DCAF8L2: variants seen among roughly 807,000 people sequenced by gnomAD.
DCAF8L2 encodes DDB1 and CUL4 associated factor 8 like 2.
For missense variants in DCAF8L2, 430 were observed against 490.7 expected, an observed-to-expected ratio of 0.88 and a Z score of 1.17; for synonymous variants, 200 against 190.9, an observed-to-expected ratio of 1.05 and a Z score of -0.39.
At chrX:27,740,226 C>T (rs1219951767) in intron 4 of DCAF8L2, among the ~76,000 whole-genome samples, 1 of 111,775 alleles carries the variant, frequency 8.9e-6, no homozygotes, top group Non-Finnish European at 1.9e-5. Context: ...TCACCTCACA[C>T]CCATATTGAA....
chrX:27,621,689 T>C (rs1466469494), intron 1 of DCAF8L2, among the ~76,000 whole-genome samples: 1 of 111,392 alleles, frequency 9.0e-6, no homozygotes, highest in African/African-American at 3.3e-5. Context: ...ATGTGTGCAA[T>C]AGGAGTTCTA....
At chrX:27,588,301 G>T, upstream of DCAF8L2, among the ~76,000 whole-genome samples, 1 of 109,883 alleles carries the variant, frequency 9.1e-6, no homozygotes, top group East Asian at 2.9e-4. Flanking sequence ...GCCTCCAGCT[G>T]CATTCATGTT....
rs1360348922 is a variant in DCAF8L2, at chrX:27,747,353, C to T, written c.458C>T (p.Pro153Leu). 38 of 1,158,286 alleles carry T rather than the reference C, an allele frequency of 3.3e-5. No homozygotes were observed. Among genetic ancestry groups the T allele is most frequent in the Non-Finnish European group, 4.3e-5 (37 of 870,510 alleles). ...EEEEEQPRAGPQGSGGNHEQY... is the reference protein window; with the variant it reads ...EEEEEQPRAGLQGSGGNHEQY... The stretch of plus-strand genomic sequence containing the variant: ...GAAGAAGAACAGCCTCGGGCGGGTC[C>T]ACAAGGCAGTGGCGGCAACCATGAG... Residue 153 changes from proline (P) to leucine (L), a missense_variant, in exon 5 of 5, where the codon CCA becomes CTA. By Grantham distance (98) the Pro-to-Leu change is moderately conservative. Transcript: ENST00000451261.
At position 27,662,922 on chromosome X, in the gene DCAF8L2, A is replaced by T. The variant is rs947600933; in HGVS notation, c.-219-14914A>T. 9.8e-5 allele frequency among the ~76,000 whole-genome samples: 11 copies of T among 112,049 alleles called. 1 individual carries two copies. On this transcript the variant is annotated intron_variant, in intron 2 of 4. Coordinates refer to ENST00000451261, the MANE Select transcript of DCAF8L2 (RefSeq NM_001353450.2). The stretch of plus-strand genomic sequence containing the variant: ...TATGATGATTCAAGGTTTATAATAT[A>T]TAAAAATAATTATATTTTTACTTGA...
At chrX:27,488,803 G>A in the DCAF8L2 span, among the ~76,000 whole-genome samples, 2 of 108,504 alleles carry the variant, frequency 1.8e-5, no homozygotes, top group African/African-American at 6.7e-5. Context: ...CTACAGGCAC[G>A]CGCCACCATG....
intron 2 of DCAF8L2, among the ~76,000 whole-genome samples, chrX:27,677,591 A>G (rs1392821006): frequency 1.8e-5 from 2 of 111,418 alleles, no homozygotes; most frequent in African/African-American, 3.3e-5. Context: ...ATGATGGGAG[A>G]TCAGAAAATC....
chrX:27,653,761 C>CACAA (rs1216615987), intron 2 of DCAF8L2, among the ~76,000 whole-genome samples: 3,721 of 107,149 alleles, frequency 0.035, 135 homozygotes, highest in East Asian at 0.22. Flanking sequence ...CACACACACA[C>CACAA]AACATATATT....
At chrX:27,708,125 G>C (rs1166270335) in intron 3 of DCAF8L2, among the ~76,000 whole-genome samples, 1 of 111,360 alleles carries the variant, frequency 9.0e-6, no homozygotes, top group African/African-American at 3.3e-5. Flanking sequence ...ACTGAGCATA[G>C]TACCCAATAG....
At chrX:27,477,556 G>T in the DCAF8L2 span, among the ~76,000 whole-genome samples, 1 of 111,678 alleles carries the variant, frequency 9.0e-6, no homozygotes, top group East Asian at 2.8e-4. Context: ...CAAAGTGCTG[G>T]GATTACAGGC....
At position 27,746,933 on chromosome X, in the gene DCAF8L2, A is replaced by G. The variant is rs1194055831; in HGVS notation, c.38A>G (p.Asp13Gly). 3 of 1,205,483 alleles carry G rather than the reference A, an allele frequency of 2.5e-6. No homozygotes were observed. Among genetic ancestry groups the G allele is most frequent in the Non-Finnish European group, 3.4e-6 (3 of 892,814 alleles). Residue 13 changes from aspartate to glycine, a missense_variant, in exon 5 of 5, where the codon GAC (aspartate) becomes GGC (glycine). By Grantham distance (94) the Asp-to-Gly change is moderately conservative. Transcript: ENST00000451261. ...HQEGSTDGLPDLGTESLFSSP... is the reference protein window; with the variant it reads ...HQEGSTDGLPGLGTESLFSSP... ...GAAGGCAGCACAGACGGCTTACCAG[A>G]CTTAGGGACTGAAAGCCTGTTCAGC...
rs1922294279 is a variant in DCAF8L2 at position 27,747,426 on chromosome X, A to G, written c.531A>G (p.Ser177=). Residue 177 remains serine (S), a synonymous_variant, in exon 5 of 5, where the codon TCA becomes TCG. Transcript: ENST00000451261. ...EDQALEEWVS[S]ETSALPRPRW... is the part of the protein sequence containing the mutation. ...AGGCGCTGGAGGAGTGGGTTTCCTC[A>G]GAGACATCTGCCCTGCCCCGACCTC... 1 of 1,173,261 alleles carries G rather than the reference A, an allele frequency of 8.5e-7. No individual in the cohort carries two copies. The highest frequency in any genetic ancestry group is 1.1e-6 in the Non-Finnish European group (1 of 875,931).
At chrX:27,676,477 A>G (rs1190686662) in intron 2 of DCAF8L2, among the ~76,000 whole-genome samples, 1 of 111,243 alleles carries the variant, frequency 9.0e-6, no homozygotes, top group African/African-American at 3.3e-5. Context: ...TAACAATGGA[A>G]CTATGTTACC....
At chrX:27,639,827 ATCGT>A (rs1928639839) in intron 2 of DCAF8L2, among the ~76,000 whole-genome samples, 4 of 112,172 alleles carry the variant, frequency 3.6e-5, no homozygotes. Context: ...CTCATTTTTA[ATCGT>A]AATACATATT....
chrX:27,520,136 G>T, the DCAF8L2 span, among the ~76,000 whole-genome samples: 1 of 111,438 alleles, frequency 9.0e-6, no homozygotes, highest in African/African-American at 3.2e-5. Context: ...CCATTATTTT[G>T]TCTTCAAAAA....
chrX:27,548,825 A>G, the DCAF8L2 span, among the ~76,000 whole-genome samples: 1 of 112,139 alleles, frequency 8.9e-6, no homozygotes, highest in Admixed American at 9.5e-5. Flanking sequence ...GTTAATGAAT[A>G]ACATCTCAAC....
chrX:27,600,137 G>T (rs1489159337), intron 1 of DCAF8L2, among the ~76,000 whole-genome samples: 2 of 111,688 alleles, frequency 1.8e-5, no homozygotes, highest in Non-Finnish European at 3.8e-5. Flanking sequence ...TTTTTATCTA[G>T]GTCAGTGGTT....
At chrX:27,541,343 TTTTATTTATTTATTTA>T in the DCAF8L2 span, among the ~76,000 whole-genome samples, 25 of 94,086 alleles carry the variant, frequency 2.7e-4, no homozygotes, top group African/African-American at 9.6e-4. Context: ...TTATTTTTTA[TTTTATTTATTTATTTA>T]TTTATTTATT....
chrX:27,572,805 C>T, the DCAF8L2 span, among the ~76,000 whole-genome samples: 36 of 111,415 alleles, frequency 3.2e-4, no homozygotes, highest in Middle Eastern at 4.6e-3. Flanking sequence ...CTTCTTTCTC[C>T]GTGGCTTGTC....
intron 4 of DCAF8L2, among the ~76,000 whole-genome samples, 200 bp from the exon 5 acceptor site, chrX:27,746,638 G>A (rs187443149): frequency 8.9e-6 from 1 of 111,986 alleles, no homozygotes; most frequent in African/African-American, 3.2e-5. Context: ...TCTGGGCCTG[G>A]AAAAACTAGA....
Sources: gnomAD v4.1 joint callset for allele counts (sites outside exome capture counted in the v4.1 genomes callset) on GRCh38, gnomAD v4.1.1 for gene constraint, MANE v1.5 for transcripts, NCBI Gene and HGNC (gene_info 2026-07-23, HGNC 2026-07-21) for gene names.